The following BCL2L14 variants were observed in gnomAD, a reference collection of about 807,000 sequenced individuals.
The protein encoded by BCL2L14 is BCL2 like 14.
A neutral mutation model predicts 35.3 loss-of-function variants in BCL2L14; 27 were observed. That is an observed-to-expected ratio of 0.76 (90% CI 0.56 to 1.05). BCL2L14 has a LOEUF of 1.05. Among genes scored for constraint, BCL2L14 ranks in the 50% least tolerant of loss-of-function variants. The pLI is 0.00. For missense variants in BCL2L14, 377 were observed against 382.6 expected (o/e 0.99, Z 0.12); for synonymous variants, 139 against 145.9 (o/e 0.95, Z 0.34).
At chr12:12,084,589 C>G (rs982074160) in intron 2 of BCL2L14, among the ~76,000 whole-genome samples, 4 of 152,160 alleles carry the variant, frequency 2.6e-5, no homozygotes, top group Admixed American at 2.6e-4. Flanking sequence ...AAGGAACAGA[C>G]AGCCTTTCTG....
chr12:12,088,576 G>C (rs1197357342), intron 3 of BCL2L14, among the ~76,000 whole-genome samples: 1 of 152,116 alleles, frequency 6.6e-6, no homozygotes, highest in African/African-American at 2.4e-5. Flanking sequence ...AATTTTACAG[G>C]CTACTCTTTG....
intron 1 of BCL2L14, among the ~76,000 whole-genome samples, chr12:12,073,601 C>T (rs534035143): frequency 6.8e-6 from 1 of 146,018 alleles, no homozygotes; most frequent in Admixed American, 6.7e-5. Context: ...TGCATGCACG[C>T]GCACACACAC....
At chr12:12,066,322 C>A (rs887086321), upstream of BCL2L14, among the ~76,000 whole-genome samples, 1 of 152,096 alleles carries the variant, frequency 6.6e-6, no homozygotes, top group Non-Finnish European at 1.5e-5. Context: ...TCATTGATAT[C>A]AAAACAAGGA....
rs11054668 is a variant in BCL2L14 at position 12,080,014 on chromosome 12, C to T, written c.433+276C>T. Among the ~76,000 whole-genome samples the T allele has an allele frequency of 7.2e-3, 1,100 of 152,242 alleles. 7 individuals are homozygous for T. Among genetic ancestry groups the T allele is most frequent in the Admixed American group, 0.011 (162 of 15,294 alleles). On this transcript the variant is annotated intron_variant, in intron 2 of 5. Transcript: ENST00000308721. ...GGTCAGGAGATTGAGACCATCCTGG[C>T]TAACACGGTAAAACCCCGTCTCCAC...
At chr12:12,080,634 A>G (rs965823206) in intron 2 of BCL2L14, among the ~76,000 whole-genome samples, 5 of 151,540 alleles carry the variant, frequency 3.3e-5, no homozygotes, top group African/African-American at 1.2e-4. Context: ...AAAAAAAAAA[A>G]AAAGAACGAG....
At chr12:12,096,095 CCAGCTCAAAGG>C in intron 5 of BCL2L14, 1 of 985,372 alleles carries the variant, frequency 1.0e-6, no homozygotes, top group Non-Finnish European at 1.2e-6. Flanking sequence ...CCTGACCCTT[CCAGCTCAAAGG>C]CTGCACAGTC....
intron 1 of BCL2L14, among the ~76,000 whole-genome samples, chr12:12,050,255 G>T (rs974542507): frequency 1.3e-5 from 2 of 152,016 alleles, no homozygotes; most frequent in African/African-American, 4.8e-5. Flanking sequence ...GCATGCAAAG[G>T]CTGGACAGGA....
chr12:12,053,709 C>T (rs375028715), intron 2 of BCL2L14, among the ~76,000 whole-genome samples: 2 of 152,320 alleles, frequency 1.3e-5, no homozygotes, highest in South Asian at 2.1e-4. Context: ...GCCACCATGC[C>T]CAGCCGGCAA....
intron 4 of BCL2L14, among the ~76,000 whole-genome samples, chr12:12,093,122 A>C (rs759556968): frequency 1.1e-4 from 17 of 152,200 alleles, no homozygotes; most frequent in Admixed American, 3.9e-4. Flanking sequence ...AGTTCAAAGG[A>C]GGTAAAGCAG....
intron 2 of BCL2L14, among the ~76,000 whole-genome samples, chr12:12,082,326 G>C (rs1172357338): frequency 6.6e-6 from 1 of 152,214 alleles, no homozygotes; most frequent in Non-Finnish European, 1.5e-5. Context: ...CTCCACATCT[G>C]CCTCCCCACC....
At chr12:12,097,460 A>G (rs1797662) in intron 5 of BCL2L14, among the ~76,000 whole-genome samples, 39,357 of 152,150 alleles carry the variant, frequency 0.26, 5,235 homozygotes, top group East Asian at 0.37. Flanking sequence ...GTATGATTCC[A>G]TGTATATGAA....
intron 4 of BCL2L14, among the ~76,000 whole-genome samples, chr12:12,091,908 T>G (rs148032777): frequency 1.6e-4 from 24 of 152,272 alleles, no homozygotes; most frequent in African/African-American, 5.5e-4. Context: ...GGGTGATTGA[T>G]TTCTCCTTAT....
chr12:12,098,839 G>C (rs1949370492), intron 5 of BCL2L14, 111 bp from the exon 6 acceptor site: 1 of 779,198 alleles, frequency 1.3e-6, no homozygotes, highest in Non-Finnish European at 2.3e-6. Context: ...AACTAACATG[G>C]TCTCCTGAGC....
chr12:12,096,048 A>G (rs1949305797), intron 5 of BCL2L14: 1 of 985,240 alleles, frequency 1.0e-6, no homozygotes, highest in Non-Finnish European at 1.2e-6. Flanking sequence ...CTTCACCCCA[A>G]CAACCCCCTT....
At chr12:12,084,677 T>C (rs749581748) in intron 2 of BCL2L14, among the ~76,000 whole-genome samples, 7 of 152,144 alleles carry the variant, frequency 4.6e-5, no homozygotes, top group Non-Finnish European at 1.0e-4. Flanking sequence ...CTTTTCTTTT[T>C]CATGTTTTAA....
chr12:12,072,516 TA>T (rs938343354), intron 1 of BCL2L14: 5 of 152,198 alleles, frequency 3.3e-5, no homozygotes, highest in African/African-American at 9.7e-5. Context: ...ATCAGGAAGG[TA>T]AACATAGGGC....
intron 2 of BCL2L14, among the ~76,000 whole-genome samples, chr12:12,059,728 A>T: frequency 6.6e-6 from 1 of 152,110 alleles, no homozygotes; most frequent in East Asian, 1.9e-4. Context: ...TTAAGAACTT[A>T]AAACCTCTTC....
rs61733244 is a variant in BCL2L14, at chr12:12,079,349, A to G, written c.44A>G (p.Asp15Gly). 130 of 1,614,150 alleles carry G rather than the reference A, an allele frequency of 8.1e-5. No homozygotes were observed. The African/African-American group carries it at 1.5e-3, about 19-fold the overall frequency. ...SGCDLEEIPLDDDDLNTIEFK... is the reference protein window; with the variant it reads ...SGCDLEEIPLGDDDLNTIEFK... ...TGTGACCTGGAAGAAATCCCCCTAG[A>G]TGATGATGACCTAAACACCATAGAA... The change falls in exon 2 of 6, where the codon GAT (aspartate) becomes GGT (glycine). Residue 15 changes from aspartate to glycine, a missense_variant. Asp to Gly is a moderately conservative substitution (Grantham distance 94). Transcript: ENST00000308721.
At chr12:12,081,161 T>A (rs1484775394) in intron 2 of BCL2L14, among the ~76,000 whole-genome samples, 1 of 151,980 alleles carries the variant, frequency 6.6e-6, no homozygotes, top group Admixed American at 6.6e-5. Flanking sequence ...CACTCCAGCC[T>A]GGGTGACAGA....
Sources: allele counts gnomAD v4.1 joint callset (sites outside exome capture counted in the v4.1 genomes callset), GRCh38; gene constraint gnomAD v4.1.1; transcripts MANE v1.5; gene names NCBI Gene and HGNC (gene_info 2026-07-23, HGNC 2026-07-21).